Variants in INPP4B observed in about 807,000 individuals in gnomAD.
INPP4B encodes inositol polyphosphate 4-phosphatase type II.
Under a neutral mutation model 122.5 loss-of-function variants are expected in INPP4B, and 55 were observed. That is an observed-to-expected ratio of 0.45 (90% CI 0.36 to 0.56). The LOEUF is 0.56. Among genes scored for constraint, INPP4B ranks in the 20% least tolerant of loss-of-function variants. INPP4B has a pLI of 0.00. For missense variants in INPP4B, 1,000 were observed against 1,097.7 expected (o/e 0.91, Z 1.26); for synonymous variants, 403 against 388.7 (o/e 1.04, Z -0.43).
chr4:142,428,253 A>C (rs1017781191), intron 5 of INPP4B, among the ~76,000 whole-genome samples: 1 of 151,272 alleles, frequency 6.6e-6, no homozygotes, highest in Non-Finnish European at 1.5e-5. Context: ...ATATATATAT[A>C]TCTCAATTTG....
At chr4:142,521,239 T>C (rs923122186) in intron 2 of INPP4B, among the ~76,000 whole-genome samples, 6 of 151,972 alleles carry the variant, frequency 3.9e-5, no homozygotes, top group African/African-American at 1.4e-4. Flanking sequence ...CCATGAGTTG[T>C]TAATAGATGT....
At chr4:142,480,426 G>A (rs1455354480) in intron 2 of INPP4B, among the ~76,000 whole-genome samples, 2 of 152,058 alleles carry the variant, frequency 1.3e-5, no homozygotes, top group African/African-American at 4.8e-5. Context: ...ACTCAATATG[G>A]GCATCCAGCC....
intron 2 of INPP4B, among the ~76,000 whole-genome samples, chr4:142,524,706 C>G (rs1195023424): frequency 6.6e-6 from 1 of 152,130 alleles, no homozygotes; most frequent in Non-Finnish European, 1.5e-5. Context: ...GCTAAAAACT[C>G]TCAATAAATT....
At chr4:142,244,791 G>A (rs998734190) in intron 11 of INPP4B, among the ~76,000 whole-genome samples, 16 of 152,152 alleles carry the variant, frequency 1.1e-4, no homozygotes, top group African/African-American at 3.9e-4. Context: ...CTAGATCCTT[G>A]AGGAATCTCC....
chr4:142,514,382 CT>C (rs750230120), intron 2 of INPP4B: 4 of 152,196 alleles, frequency 2.6e-5, no homozygotes, highest in Non-Finnish European at 2.9e-5. Context: ...CCTCCCTAAA[CT>C]TCCAACCAAA....
chr4:142,201,072 G>A (rs958590358), intron 14 of INPP4B, among the ~76,000 whole-genome samples: 18 of 151,986 alleles, frequency 1.2e-4, no homozygotes, highest in African/African-American at 4.3e-4. Flanking sequence ...AAAGAGTTTG[G>A]CTTTAAATAG....
chr4:142,209,180 T>C (rs991308886), intron 12 of INPP4B, among the ~76,000 whole-genome samples, 154 bp from the exon 13 acceptor site: 8 of 152,206 alleles, frequency 5.3e-5, no homozygotes, highest in Non-Finnish European at 8.8e-5. Context: ...TTTTTAAAAA[T>C]TATTTTAGCA....
At chr4:142,069,888 C>T (rs904559565) in intron 25 of INPP4B, among the ~76,000 whole-genome samples, 7 of 152,144 alleles carry the variant, frequency 4.6e-5, no homozygotes, top group Admixed American at 6.5e-5. Context: ...TATTCACAGC[C>T]AAAATCTACC....
At chr4:142,455,926 T>A (rs965245860) in intron 3 of INPP4B, among the ~76,000 whole-genome samples, 6 of 152,130 alleles carry the variant, frequency 3.9e-5, no homozygotes, top group African/African-American at 1.4e-4. Flanking sequence ...CCTTTTCATA[T>A]ACTTGTTTGC....
chr4:142,720,822 T>C (rs1764533312), intron 2 of INPP4B, among the ~76,000 whole-genome samples: 1 of 110,652 alleles, frequency 9.0e-6, no homozygotes, highest in African/African-American at 3.3e-5. Context: ...TATATATATA[T>C]ATATATAGTT....
intron 2 of INPP4B, among the ~76,000 whole-genome samples, chr4:142,652,800 T>C (rs984780480): frequency 2.6e-5 from 4 of 152,342 alleles, no homozygotes; most frequent in Non-Finnish European, 5.9e-5. Flanking sequence ...AGGTAATTTA[T>C]AGATTCAGTG....
chr4:142,524,848 C>T (rs1231483098), intron 2 of INPP4B, among the ~76,000 whole-genome samples: 1 of 151,554 alleles, frequency 6.6e-6, no homozygotes, highest in South Asian at 2.1e-4. Context: ...TGCCCTCTCT[C>T]ACCACTCCTA....
chr4:142,082,214 T>C (rs1774266775), intron 24 of INPP4B, 29 bp from the exon 25 acceptor site: 1 of 1,479,886 alleles, frequency 6.8e-7, no homozygotes. Context: ...CGAACGTTTC[T>C]TGTTCATTTG....
chr4:142,280,858 G>A (rs561941920), intron 9 of INPP4B, among the ~76,000 whole-genome samples: 2 of 152,004 alleles, frequency 1.3e-5, no homozygotes, highest in South Asian at 2.1e-4. Context: ...TTAAAGTATG[G>A]ATTTTATCCC....
chr4:142,158,854 T>C (rs1818581086), intron 17 of INPP4B, among the ~76,000 whole-genome samples: 1 of 151,840 alleles, frequency 6.6e-6, no homozygotes, highest in East Asian at 2.0e-4. Flanking sequence ...GGGGAAAAAT[T>C]CCAAGATTCT....
intron 1 of INPP4B, among the ~76,000 whole-genome samples, chr4:142,741,168 C>T (rs1767843599): frequency 6.6e-6 from 1 of 151,886 alleles, no homozygotes; most frequent in South Asian, 2.1e-4. Flanking sequence ...ACAGGAATAC[C>T]TGAGACTGGG....
chr4:142,424,334 G>C (rs1807575874), intron 5 of INPP4B, among the ~76,000 whole-genome samples: 1 of 151,858 alleles, frequency 6.6e-6, no homozygotes, highest in Non-Finnish European at 1.5e-5. Context: ...TTTTACTTAA[G>C]ATATGCCATT....
Position 142,326,476 on chromosome 4 carries a change from T to G in INPP4B, c.373-11714A>C, listed in dbSNP as rs144513394. Among the ~76,000 whole-genome samples the G allele has an allele frequency of 1.5e-3, 222 of 152,326 alleles. 1 individual carries two copies. The highest frequency in any genetic ancestry group is 2.7e-3 in the Admixed American group (41 of 15,306). Reference sequence around the variant, plus strand: ...CTCCCAAAGCCTCACATGAGGATATTATTAACATATGAAACACACGTAGAG... The same window carrying G: ...CTCCCAAAGCCTCACATGAGGATATGATTAACATATGAAACACACGTAGAG... On this transcript the variant is annotated intron_variant, in intron 7 of 25. Transcript: ENST00000262992.
At chr4:142,196,927 C>T (rs944932613) in intron 14 of INPP4B, among the ~76,000 whole-genome samples, 4 of 151,620 alleles carry the variant, frequency 2.6e-5, no homozygotes, top group Non-Finnish European at 5.9e-5. Flanking sequence ...GAGTTTGAGA[C>T]CAGGCTGGTC....
Sources: gnomAD v4.1 joint callset for allele counts (sites outside exome capture counted in the v4.1 genomes callset) on GRCh38, gnomAD v4.1.1 for gene constraint, MANE v1.5 for transcripts, NCBI Gene and HGNC (gene_info 2026-07-23, HGNC 2026-07-21) for gene names.